Variants in TYW1 observed in about 807,000 individuals in gnomAD.
TYW1 encodes tRNA-yW synthesizing protein 1 homolog.
In TYW1, 46 loss-of-function variants were observed where a neutral mutation model predicts 96.2. The observed-to-expected ratio is 0.48, with a 90% CI of 0.38 to 0.61. TYW1 has a LOEUF of 0.61. TYW1 is among the 20% of genes least tolerant of loss of function. TYW1 has a pLI of 0.00. For synonymous variants in TYW1, 274 were observed against 323.0 expected (o/e 0.85, Z 1.63); for missense variants, 684 against 909.6 (o/e 0.75, Z 3.19).
At chr7:67,146,725 G>A (rs1263903150) in intron 13 of TYW1, among the ~76,000 whole-genome samples, 1 of 152,226 alleles carries the variant, frequency 6.6e-6, no homozygotes, top group East Asian at 1.9e-4. Context: ...AACATCCCCA[G>A]ATAGTGAGTA....
intron 3 of TYW1, among the ~76,000 whole-genome samples, chr7:67,007,128 A>T (rs1793624312): frequency 6.6e-6 from 1 of 151,868 alleles, no homozygotes; most frequent in South Asian, 2.1e-4. Context: ...TTAGCCTCTG[A>T]TGGGCTGTGG....
At chr7:67,015,646 G>A (rs1043745165) in intron 5 of TYW1, among the ~76,000 whole-genome samples, 2 of 152,162 alleles carry the variant, frequency 1.3e-5, no homozygotes, top group African/African-American at 4.8e-5. Context: ...AACGTGTCCA[G>A]CCTGAGCTCA....
At chr7:67,081,807 T>G (rs1796402585) in intron 10 of TYW1, among the ~76,000 whole-genome samples, 1 of 149,990 alleles carries the variant, frequency 6.7e-6, no homozygotes, top group East Asian at 1.9e-4. Flanking sequence ...TTTTATTCTT[T>G]CTTCTTCTTC....
intron 15 of TYW1, among the ~76,000 whole-genome samples, chr7:67,211,510 T>C (rs912892351): frequency 6.6e-6 from 1 of 152,232 alleles, no homozygotes; most frequent in African/African-American, 2.4e-5. Context: ...GGGGAAGGTA[T>C]GCTCATTGTT....
chr7:67,018,456 G>A (rs1314686353), intron 6 of TYW1, among the ~76,000 whole-genome samples: 1 of 151,872 alleles, frequency 6.6e-6, no homozygotes, highest in African/African-American at 2.4e-5. Flanking sequence ...TGGGAGGATT[G>A]CTTGAGCCCA....
chr7:67,016,268 C>A (rs1794020007), intron 5 of TYW1, among the ~76,000 whole-genome samples: 1 of 139,806 alleles, frequency 7.2e-6, no homozygotes, highest in African/African-American at 2.6e-5. Flanking sequence ...CTGTTTACGG[C>A]CGGGCGCAGT....
rs181517095 is a variant in TYW1 at position 67,201,698 on chromosome 7, G to T, written c.1977+6361G>T. Among the ~76,000 whole-genome samples the T allele has an allele frequency of 1.2e-3, 187 of 152,286 alleles. 2 individuals are homozygous for T. Among genetic ancestry groups the T allele is most frequent in the Non-Finnish European group, 1.6e-4 (11 of 68,028 alleles). On this transcript the variant is annotated intron_variant, in intron 15 of 15. Transcript: ENST00000359626. ...TCCAGATTATGAGAAGTTGTCCTTA[G>T]AATGCCCAGAGTGAGACAGATGGTC...
At chr7:67,142,683 A>G (rs1412684337) in intron 13 of TYW1, among the ~76,000 whole-genome samples, 1 of 152,094 alleles carries the variant, frequency 6.6e-6, no homozygotes, top group African/African-American at 2.4e-5. Context: ...CTGCGCACCT[A>G]GGCCTCCCAA....
chr7:67,156,358 C>T (rs980412907), intron 13 of TYW1, among the ~76,000 whole-genome samples: 5 of 152,206 alleles, frequency 3.3e-5, no homozygotes, highest in Non-Finnish European at 7.3e-5. Flanking sequence ...GATCCCCAGG[C>T]TCCTGGACAG....
intron 8 of TYW1, among the ~76,000 whole-genome samples, chr7:67,053,568 C>G (rs966333045): frequency 6.6e-6 from 1 of 151,940 alleles, no homozygotes; most frequent in Non-Finnish European, 1.5e-5. Flanking sequence ...TTAGTAGAGA[C>G]AGGGTTTCAC....
intron 7 of TYW1, among the ~76,000 whole-genome samples, chr7:67,047,779 G>T: frequency 1.6e-5 from 2 of 126,992 alleles, no homozygotes; most frequent in Non-Finnish European, 3.3e-5. Context: ...TTCTGTGAGT[G>T]TCAATTTTTT....
chr7:67,154,442 C>T (rs1257500796), intron 13 of TYW1, among the ~76,000 whole-genome samples: 3 of 151,096 alleles, frequency 2.0e-5, no homozygotes, highest in Non-Finnish European at 4.4e-5. Context: ...TTTATTTCTC[C>T]TTCATTTCTG....
chr7:67,086,472 A>C (rs2115791824), intron 11 of TYW1, among the ~76,000 whole-genome samples: 1 of 152,220 alleles, frequency 6.6e-6, no homozygotes, highest in African/African-American at 2.4e-5. Flanking sequence ...GGGGAGAGAG[A>C]GAGAGACAGA....
intron 6 of TYW1, among the ~76,000 whole-genome samples, chr7:67,021,318 T>C (rs1014196022): frequency 6.6e-6 from 1 of 152,278 alleles, no homozygotes; most frequent in African/African-American, 2.4e-5. Context: ...CCCACATCTT[T>C]CTCTGCTACA....
chr7:67,019,905 T>G (rs939167521), intron 6 of TYW1, among the ~76,000 whole-genome samples: 3 of 152,288 alleles, frequency 2.0e-5, no homozygotes, highest in Admixed American at 6.5e-5. Context: ...TATGGCTACC[T>G]GGAGTCAGTC....
At chr7:67,014,929 C>T (rs1263328775) in intron 5 of TYW1, among the ~76,000 whole-genome samples, 2 of 151,186 alleles carry the variant, frequency 1.3e-5, no homozygotes, top group Non-Finnish European at 2.9e-5. Context: ...GGGGTTTCAC[C>T]ATGCCAGCCA....
intron 7 of TYW1, among the ~76,000 whole-genome samples, chr7:67,029,411 G>GTATATATA (rs1388432409): frequency 3.7e-5 from 4 of 106,910 alleles, no homozygotes; most frequent in Non-Finnish European, 7.6e-5. Flanking sequence ...GTGTGTGTGT[G>GTATATATA]TGTGTATATA....
intron 6 of TYW1, among the ~76,000 whole-genome samples, chr7:67,020,153 G>A (rs1200168368): frequency 6.6e-6 from 1 of 152,274 alleles, no homozygotes; most frequent in Non-Finnish European, 1.5e-5. Context: ...AGGTGGGTGG[G>A]AGGATTGCTG....
intron 11 of TYW1, among the ~76,000 whole-genome samples, chr7:67,096,735 C>G (rs1453423237): frequency 5.9e-5 from 9 of 152,084 alleles, no homozygotes; most frequent in African/African-American, 2.2e-4. Flanking sequence ...CCTTCTCCCA[C>G]CCTCCACCCT....
Sources: gnomAD v4.1 joint callset for allele counts (sites outside exome capture counted in the v4.1 genomes callset) on GRCh38, gnomAD v4.1.1 for gene constraint, MANE v1.5 for transcripts, NCBI Gene and HGNC (gene_info 2026-07-23, HGNC 2026-07-21) for gene names.